The following ULK4 variants were observed in gnomAD, a reference collection of about 807,000 sequenced individuals.
ULK4 encodes inactive serine/threonine-protein kinase ULK4.
Under a neutral mutation model 160.6 loss-of-function variants are expected in ULK4, and 133 were observed. That is an observed-to-expected ratio of 0.83 (90% CI 0.72 to 0.96). The LOEUF (loss-of-function observed/expected upper bound fraction) is 0.96, where lower values mean the gene tolerates loss of function less well. Among genes scored for constraint, ULK4 ranks in the 40% least tolerant of loss-of-function variants. The pLI is 0.00. For synonymous variants in ULK4, 534 were observed against 539.8 expected (o/e 0.99, Z 0.15); for missense variants, 1,580 against 1,499.5 (o/e 1.05, Z -0.89).
chr3:41,683,325 T>C (rs2035983566), intron 27 of ULK4, among the ~76,000 whole-genome samples: 1 of 151,974 alleles, frequency 6.6e-6, no homozygotes, highest in Non-Finnish European at 1.5e-5. Flanking sequence ...CGGCCTCATG[T>C]CCTATTGCAT....
At chr3:41,388,263 T>C (rs1445534295) in intron 35 of ULK4, among the ~76,000 whole-genome samples, 3 of 152,134 alleles carry the variant, frequency 2.0e-5, no homozygotes, top group East Asian at 1.9e-4. Context: ...CATTGTAGAT[T>C]CTGGATATTA....
At chr3:41,604,785 T>A (rs1460504577) in intron 31 of ULK4, among the ~76,000 whole-genome samples, 1 of 152,138 alleles carries the variant, frequency 6.6e-6, no homozygotes, top group Admixed American at 6.6e-5. Flanking sequence ...ATATGTGTTT[T>A]GGACCCAGGA....
intron 5 of ULK4, among the ~76,000 whole-genome samples, chr3:41,930,972 C>T (rs542944923): frequency 6.6e-6 from 1 of 152,320 alleles, no homozygotes; most frequent in South Asian, 2.1e-4. Context: ...CCAGCAATCC[C>T]ATTACTGGGT....
chr3:41,781,285 C>T (rs1479686200), intron 21 of ULK4, among the ~76,000 whole-genome samples: 10 of 151,818 alleles, frequency 6.6e-5, no homozygotes, highest in East Asian at 1.9e-4. Context: ...GGCATGGTGG[C>T]GGGTGCCTGT....
At chr3:41,281,648 T>C (rs996945816) in intron 35 of ULK4, among the ~76,000 whole-genome samples, 16 of 152,128 alleles carry the variant, frequency 1.1e-4, no homozygotes, top group East Asian at 3.8e-4. Flanking sequence ...ATGGAATGTA[T>C]CTCAAAATAA....
intron 32 of ULK4, among the ~76,000 whole-genome samples, chr3:41,565,765 T>A (rs2087760700): frequency 6.6e-6 from 1 of 152,116 alleles, no homozygotes; most frequent in South Asian, 2.1e-4. Context: ...CAGATAGCAA[T>A]CAGTCTAAAT....
intron 32 of ULK4, among the ~76,000 whole-genome samples, chr3:41,516,634 A>G (rs1186918967): frequency 6.6e-6 from 1 of 150,442 alleles, no homozygotes; most frequent in Non-Finnish European, 1.5e-5. Context: ...AAAAATCAGA[A>G]CAATTGAACT....
intron 32 of ULK4, among the ~76,000 whole-genome samples, chr3:41,511,067 G>A (rs569827654): frequency 6.6e-6 from 1 of 151,610 alleles, no homozygotes; most frequent in African/African-American, 2.4e-5. Flanking sequence ...GGAGGCTGAG[G>A]CAGGAGAATG....
chr3:41,818,917 A>C (rs2041053591), intron 19 of ULK4, among the ~76,000 whole-genome samples: 1 of 152,248 alleles, frequency 6.6e-6, no homozygotes, highest in Non-Finnish European at 1.5e-5. Flanking sequence ...TTCAGCCATT[A>C]ACAATTGCTT....
chr3:41,514,468 G>A (rs2085687171), intron 32 of ULK4, among the ~76,000 whole-genome samples: 2 of 152,114 alleles, frequency 1.3e-5, no homozygotes, highest in South Asian at 4.1e-4. Context: ...AATCTTCTGG[G>A]TGAATTCCAA....
intron 31 of ULK4, among the ~76,000 whole-genome samples, chr3:41,596,894 C>G (rs1342593962): frequency 2.0e-5 from 3 of 152,126 alleles, no homozygotes; most frequent in Admixed American, 6.5e-5. Context: ...TCAATGTCAG[C>G]ACTATTGACA....
chr3:41,433,221 T>A (rs868315309), intron 34 of ULK4, among the ~76,000 whole-genome samples: 1 of 152,126 alleles, frequency 6.6e-6, no homozygotes, highest in Non-Finnish European at 1.5e-5. Flanking sequence ...GACACACAAA[T>A]GACTAATTAA....
intron 21 of ULK4, chr3:41,766,610 G>C (rs890398911): frequency 2.0e-5 from 3 of 152,210 alleles, no homozygotes; most frequent in Admixed American, 6.5e-5. Flanking sequence ...AAAGACAGGG[G>C]AGGTAAATAT....
chr3:41,322,948 T>C (rs2080272054), intron 35 of ULK4, among the ~76,000 whole-genome samples: 1 of 152,114 alleles, frequency 6.6e-6, no homozygotes, highest in South Asian at 2.1e-4. Flanking sequence ...TACCATTTTT[T>C]TTTTTTGAGA....
At chr3:41,579,209 T>C (rs2030015450) in intron 31 of ULK4, among the ~76,000 whole-genome samples, 1 of 152,152 alleles carries the variant, frequency 6.6e-6, no homozygotes, top group African/African-American at 2.4e-5. Context: ...GCTTCAGCTT[T>C]AAGGGTTTAT....
chr3:41,954,828 A>G, intron 1 of ULK4, 21 bp from the exon 2 acceptor site: 1 of 1,453,510 alleles, frequency 6.9e-7, no homozygotes, highest in Middle Eastern at 1.8e-4. Context: ...AACAAAAATG[A>G]CATTGATAAA....
chr3:41,738,981 C>T (rs1386026375), intron 22 of ULK4, among the ~76,000 whole-genome samples: 1 of 151,898 alleles, frequency 6.6e-6, no homozygotes, highest in African/African-American at 2.4e-5. Context: ...AAGTGAATCA[C>T]AATACACATC....
intron 27 of ULK4, among the ~76,000 whole-genome samples, chr3:41,696,095 C>A (rs1025753960): frequency 6.6e-6 from 1 of 152,140 alleles, no homozygotes; most frequent in Non-Finnish European, 1.5e-5. Context: ...CTTAGCGGAA[C>A]GGGAAAGGCA....
At position 41,859,565 on chromosome 3, in the gene ULK4, C is replaced by T. The variant is rs74680330; in HGVS notation, c.1657-23594G>A. On this transcript the variant is annotated intron_variant, in intron 17 of 36. Coordinates refer to ENST00000301831, the MANE Select transcript of ULK4 (RefSeq NM_017886.4). ...AAGCCCCAGAACATGCTCATCACAG[C>T]GAAAGGCACCATGAGGCCATAATAT... The T allele has an allele frequency of 5.5e-3, 2,956 of 537,120 alleles. 58 individuals are homozygous for T. Among genetic ancestry groups the T allele is most frequent in the African/African-American group, 0.042 (2,188 of 52,032 alleles). The allele number at this position is 537,120 out of a possible 1,614,324, so 33.3% of individuals were successfully genotyped here.
Sources: allele counts gnomAD v4.1 joint callset (sites outside exome capture counted in the v4.1 genomes callset), GRCh38; gene constraint gnomAD v4.1.1; transcripts MANE v1.5; gene names NCBI Gene and HGNC (gene_info 2026-07-23, HGNC 2026-07-21).